The following NBAS variants were observed in gnomAD, a reference collection of about 807,000 sequenced individuals.
NBAS encodes the protein NBAS subunit of NRZ tethering complex.
A neutral mutation model predicts 302.5 loss-of-function variants in NBAS; 219 were observed. The observed-to-expected ratio is 0.72, with a 90% CI of 0.65 to 0.81. NBAS has a LOEUF of 0.81. Ranked by LOEUF, NBAS falls within the 30% of genes least tolerant of loss-of-function variation. The pLI is 0.00. For missense variants in NBAS, 2,932 were observed against 2,841.6 expected (o/e 1.03, Z -0.72); for synonymous variants, 1,118 against 1,021.6 (o/e 1.09, Z -1.80).
At chr2:15,349,075 C>T (rs145059340) in intron 35 of NBAS, among the ~76,000 whole-genome samples, 44 of 152,252 alleles carry the variant, frequency 2.9e-4, no homozygotes, top group Non-Finnish European at 4.6e-4. Context: ...ACTAAAGGCA[C>T]CAAAGTGCCT....
chr2:15,029,451 G>GGAACC, the NBAS span, among the ~76,000 whole-genome samples: 1 of 152,156 alleles, frequency 6.6e-6, no homozygotes. Flanking sequence ...AAAGAAAAGA[G>GGAACC]GAACCTTGGG....
chr2:14,923,333 TGAG>T, the NBAS span, among the ~76,000 whole-genome samples: 1 of 152,154 alleles, frequency 6.6e-6, no homozygotes. Context: ...AACACAGCAG[TGAG>T]CAGATCACTG....
chr2:15,256,699 C>T lies in NBAS; in HGVS notation c.5725-18013G>A, dbSNP rs571165207. On this transcript the variant is annotated intron_variant, in intron 44 of 51. Coordinates refer to ENST00000281513, the MANE Select transcript of NBAS (RefSeq NM_015909.4). ...ATAATGTTGGCTGTGGGTCTGTCAGCGATGCCTTTTATTACCTTGAGGTAT... is the reference window on the plus strand; with the variant it reads ...ATAATGTTGGCTGTGGGTCTGTCAGTGATGCCTTTTATTACCTTGAGGTAT... 2.6e-5 allele frequency among the ~76,000 whole-genome samples: 4 copies of T among 152,188 alleles called. No individual in the cohort carries two copies. In the East Asian group the frequency reaches 5.8e-4, roughly 22 times the overall value.
chr2:15,295,691 G>A (rs115961862), intron 40 of NBAS, among the ~76,000 whole-genome samples: 37 of 152,248 alleles, frequency 2.4e-4, no homozygotes, highest in African/African-American at 8.7e-4. Context: ...TAAAACTTCT[G>A]GAGGGCAGAG....
At position 15,497,177 on chromosome 2, in the gene NBAS, G is replaced by A. The variant is rs552414928; in HGVS notation, c.954+6968C>T. Among the ~76,000 whole-genome samples, 63 of 152,254 alleles carry A rather than the reference G, an allele frequency of 4.1e-4. 1 individual carries two copies. The highest frequency in any genetic ancestry group is 1.2e-3 in the African/African-American group (49 of 41,572). ...ACAGTCATGGGCCAGCTTATGTAAT[G>A]TCTTTTTGGATAATGTTAAGCATTT... On this transcript the variant is annotated intron_variant, in intron 11 of 51. Coordinates refer to ENST00000281513, the MANE Select transcript of NBAS (RefSeq NM_015909.4).
chr2:15,346,609 CT>C (rs2148284433), intron 35 of NBAS, among the ~76,000 whole-genome samples: 1 of 152,290 alleles, frequency 6.6e-6, no homozygotes, highest in East Asian at 1.9e-4. Flanking sequence ...TCTCAAGGAT[CT>C]AGAACCAGAA....
chr2:15,400,913 T>G (rs1558305745), intron 26 of NBAS, among the ~76,000 whole-genome samples: 3 of 152,172 alleles, frequency 2.0e-5, no homozygotes, highest in Non-Finnish European at 4.4e-5. Flanking sequence ...TTACCTTGTC[T>G]CTCTATTTCC....
At chr2:14,918,312 CAAA>C in the NBAS span, among the ~76,000 whole-genome samples, 47,117 of 103,484 alleles carry the variant, frequency 0.46, 7,601 homozygotes, top group Middle Eastern at 0.53. Context: ...GAAATCCATG[CAAA>C]AAAAAAAAAA....
chr2:15,265,624 T>C (rs1383840644), intron 44 of NBAS, among the ~76,000 whole-genome samples: 1 of 152,132 alleles, frequency 6.6e-6, no homozygotes, highest in Admixed American at 6.5e-5. Context: ...GCAACTACAA[T>C]ATTAATTTTA....
chr2:15,556,653 A>AT (rs1338326792), intron 3 of NBAS, 130 bp downstream of exon 3: 8 of 839,470 alleles, frequency 9.5e-6, no homozygotes, highest in Non-Finnish European at 1.4e-5. Flanking sequence ...GAAATGTCTC[A>AT]TACTGAGTTT....
the NBAS span, among the ~76,000 whole-genome samples, chr2:14,788,273 C>T: frequency 0.075 from 11,385 of 152,048 alleles, 514 homozygotes; most frequent in African/African-American, 0.13. Flanking sequence ...TTGAATTTCC[C>T]CCTGTAGCCG....
chr2:15,318,351 T>A (rs1671615899), intron 38 of NBAS, among the ~76,000 whole-genome samples: 1 of 152,096 alleles, frequency 6.6e-6, no homozygotes, highest in Non-Finnish European at 1.5e-5. Context: ...ATGGGCAAAA[T>A]AACCAGCTAA....
intron 48 of NBAS, among the ~76,000 whole-genome samples, chr2:15,209,829 A>G (rs1056042217): frequency 1.3e-5 from 2 of 152,218 alleles, no homozygotes; most frequent in Admixed American, 6.5e-5. Context: ...AAGCATCTAC[A>G]GTAAACCCAT....
intron 44 of NBAS, among the ~76,000 whole-genome samples, chr2:15,242,848 G>A (rs955859295): frequency 6.6e-6 from 1 of 152,012 alleles, no homozygotes; most frequent in African/African-American, 2.4e-5. Context: ...ATAAAGATAA[G>A]TGGCTAAACC....
intron 11 of NBAS, among the ~76,000 whole-genome samples, chr2:15,501,550 G>C (rs999299896): frequency 6.7e-6 from 1 of 148,352 alleles, no homozygotes; most frequent in East Asian, 2.0e-4. Context: ...AGTGTTGTTA[G>C]AGTTTCATAA....
the NBAS span, among the ~76,000 whole-genome samples, chr2:15,073,945 G>A: frequency 1.3e-5 from 2 of 152,158 alleles, no homozygotes; most frequent in African/African-American, 4.8e-5. Flanking sequence ...ATGTCAAGAA[G>A]TTATGTTTAG....
chr2:15,509,876 G>A (rs1662058339), intron 10 of NBAS, among the ~76,000 whole-genome samples: 1 of 151,744 alleles, frequency 6.6e-6, no homozygotes, highest in Non-Finnish European at 1.5e-5. Context: ...TTGAGACGGA[G>A]TCTGGCTCTG....
rs144401114 is a variant in NBAS, at chr2:15,353,562, C to G, written c.4080G>C (p.Leu1360=). The change falls in exon 34 of 52, where the codon CTG becomes CTC. Residue 1360 remains leucine (L), a synonymous_variant. Transcript: ENST00000281513. ...IELLLAASSS[L]QTEILYQRVN... is the part of the protein sequence containing the mutation. ...TTATCGAAGGACTTACTTCTGTCTGCAGAGAGCTGCTAGCTGCCAAAAGAA... is the reference window on the plus strand; with the variant it reads ...TTATCGAAGGACTTACTTCTGTCTGGAGAGAGCTGCTAGCTGCCAAAAGAA... 280 of 1,613,888 alleles carry G rather than the reference C, an allele frequency of 1.7e-4. No homozygotes were observed. Among genetic ancestry groups the G allele is most frequent in the Non-Finnish European group, 2.3e-4 (266 of 1,179,944 alleles).
intron 21 of NBAS, among the ~76,000 whole-genome samples, chr2:15,442,866 T>C (rs1678506094): frequency 6.6e-6 from 1 of 151,900 alleles, no homozygotes; most frequent in Non-Finnish European, 1.5e-5. Flanking sequence ...CAGAGAATAC[T>C]ACAAACACCT....
Sources: allele counts gnomAD v4.1 joint callset (sites outside exome capture counted in the v4.1 genomes callset), GRCh38; gene constraint gnomAD v4.1.1; transcripts MANE v1.5; gene names NCBI Gene and HGNC (gene_info 2026-07-23, HGNC 2026-07-21).